CENPP: variants seen among roughly 807,000 people sequenced by gnomAD.
CENPP encodes centromere protein P.
In CENPP, 24 loss-of-function variants were observed where a neutral mutation model predicts 35.6. The ratio of observed to expected loss-of-function variants is 0.67; its 90% confidence interval spans 0.49 to 0.95. The LOEUF (loss-of-function observed/expected upper bound fraction) is 0.95, where lower values mean the gene tolerates loss of function less well. Ranked by LOEUF, CENPP falls within the 40% of genes least tolerant of loss-of-function variation. CENPP has a pLI of 0.00. For synonymous variants in CENPP, 120 were observed against 125.5 expected (o/e 0.96, Z 0.29); for missense variants, 332 against 345.3 (o/e 0.96, Z 0.31).
At chr9:92,401,655 C>T (rs1171600282) in intron 5 of CENPP, among the ~76,000 whole-genome samples, 1 of 152,146 alleles carries the variant, frequency 6.6e-6, no homozygotes, top group Non-Finnish European at 1.5e-5. Context: ...TAGGTCTCTT[C>T]TTGGGGTGAC....
chr9:92,572,806 T>G lies in CENPP; in HGVS notation c.565-38508T>G, dbSNP rs556791025. Reference sequence around the variant, plus strand: ...TTCATTTCTTTTTATTCTTTTTTTCTCTAAACTTCTCTTCTCACTTCATTT... The same window carrying G: ...TTCATTTCTTTTTATTCTTTTTTTCGCTAAACTTCTCTTCTCACTTCATTT... On this transcript the variant is annotated intron_variant, in intron 5 of 7. Coordinates refer to ENST00000375587, the MANE Select transcript of CENPP (RefSeq NM_001012267.3). 1.2e-4 allele frequency among the ~76,000 whole-genome samples: 19 copies of G among 152,314 alleles called. No homozygotes were observed. In the South Asian group the frequency reaches 3.9e-3, roughly 32 times the overall value.
At chr9:92,460,374 T>C in intron 5 of CENPP, 1 of 721,002 alleles carries the variant, frequency 1.4e-6, no homozygotes. Flanking sequence ...ACTCTCCAGT[T>C]CCAACAGCAA....
chr9:92,374,559 T>G (rs1044263857), intron 4 of CENPP, among the ~76,000 whole-genome samples: 5 of 152,234 alleles, frequency 3.3e-5, no homozygotes, highest in African/African-American at 1.2e-4. Context: ...TAAACTAGAT[T>G]GGCATTAATA....
chr9:92,574,084 A>T (rs915991865), intron 5 of CENPP, among the ~76,000 whole-genome samples: 2 of 152,038 alleles, frequency 1.3e-5, no homozygotes, highest in Admixed American at 1.3e-4. Context: ...CATGGGCTGC[A>T]CCCACTGTCC....
At chr9:92,445,048 C>A (rs1270360354) in intron 5 of CENPP, among the ~76,000 whole-genome samples, 1 of 152,136 alleles carries the variant, frequency 6.6e-6, no homozygotes, top group Non-Finnish European at 1.5e-5. Context: ...GGGGGATGGG[C>A]GTCCCTGTTC....
intron 1 of CENPP, among the ~76,000 whole-genome samples, chr9:92,329,534 CTTTTTT>C (rs1047399558): frequency 4.0e-5 from 6 of 151,772 alleles, no homozygotes; most frequent in African/African-American, 1.5e-4. Flanking sequence ...TTTTCTTTTT[CTTTTTT>C]GTTTTGTTTT....
intron 5 of CENPP, among the ~76,000 whole-genome samples, chr9:92,565,459 T>C (rs1270665596): frequency 6.6e-6 from 1 of 152,198 alleles, no homozygotes; most frequent in Admixed American, 6.5e-5. Flanking sequence ...TTGTGGTTAA[T>C]TCTGGTCAAT....
At chr9:92,544,019 TTTTA>T (rs1211647416) in intron 5 of CENPP, among the ~76,000 whole-genome samples, 1 of 152,204 alleles carries the variant, frequency 6.6e-6, no homozygotes, top group Non-Finnish European at 1.5e-5. Context: ...TTTAGATATT[TTTTA>T]TTTCTTTCTC....
In CENPP at chr9:92,510,920, C is replaced by T. The variant is rs138342885; in HGVS notation, c.565-100394C>T. Among the ~76,000 whole-genome samples the T allele has an allele frequency of 1.2e-3, 181 of 152,144 alleles. 1 individual carries two copies. Among genetic ancestry groups the T allele is most frequent in the African/African-American group, 4.1e-3 (170 of 41,518 alleles). On this transcript the variant is annotated intron_variant, in intron 5 of 7. Transcript: ENST00000375587. ...TATCTGCCAGACTCCAGATAAGAAA[C>T]AGGAAATGAGAATAGAAGAGACCAG...
At position 92,420,738 on chromosome 9, in the gene CENPP, T is replaced by C. The variant is rs538699824; in HGVS notation, c.564+40879T>C. ...CTACAAGAAAATGCCAAAATAGCAA[T>C]GGTTTGGGTTTTGTTTTTGTTTTTT... On this transcript the variant is annotated intron_variant, in intron 5 of 7. Coordinates refer to ENST00000375587, the MANE Select transcript of CENPP (RefSeq NM_001012267.3). Among the ~76,000 whole-genome samples the C allele has an allele frequency of 5.3e-5, 8 of 152,160 alleles. No homozygotes were observed. The South Asian group carries it at 1.7e-3, about 32-fold the overall frequency.
intron 5 of CENPP, among the ~76,000 whole-genome samples, chr9:92,584,349 ATGTT>A (rs35037233): frequency 0.38 from 56,957 of 151,334 alleles, 13,284 homozygotes; most frequent in African/African-American, 0.66. Flanking sequence ...TATTGTTTCT[ATGTT>A]TGTTTGTTTG....
intron 5 of CENPP, among the ~76,000 whole-genome samples, chr9:92,436,574 A>G (rs758560363): frequency 2.2e-4 from 33 of 152,156 alleles, no homozygotes; most frequent in Non-Finnish European, 2.9e-4. Flanking sequence ...TAATTTTTAT[A>G]TAGGGTTTGA....
intron 5 of CENPP, among the ~76,000 whole-genome samples, chr9:92,563,611 G>A (rs1849896498): frequency 6.6e-6 from 1 of 152,102 alleles, no homozygotes; most frequent in Non-Finnish European, 1.5e-5. Context: ...ATTAGCAAAT[G>A]GTTTAGCAGC....
chr9:92,457,827 T>C (rs1844940662), intron 5 of CENPP, among the ~76,000 whole-genome samples: 1 of 152,190 alleles, frequency 6.6e-6, no homozygotes, highest in Admixed American at 6.5e-5. Context: ...CATACATGCG[T>C]AATGTTTACT....
At chr9:92,599,768 C>G (rs1344114889) in intron 5 of CENPP, among the ~76,000 whole-genome samples, 1 of 152,130 alleles carries the variant, frequency 6.6e-6, no homozygotes, top group Non-Finnish European at 1.5e-5. Flanking sequence ...AGTCACTTCC[C>G]AAGAGAAAGC....
chr9:92,424,196 T>A (rs569302406), intron 5 of CENPP: 1 of 152,312 alleles, frequency 6.6e-6, no homozygotes, highest in African/African-American at 2.4e-5. Context: ...TATTTTATTA[T>A]CATACCTGTT....
chr9:92,571,801 T>A (rs1327707304), intron 5 of CENPP, among the ~76,000 whole-genome samples: 1 of 152,206 alleles, frequency 6.6e-6, no homozygotes, highest in Non-Finnish European at 1.5e-5. Context: ...TAGTTAGCTC[T>A]TCTTGTTGAA....
intron 5 of CENPP, among the ~76,000 whole-genome samples, chr9:92,381,376 C>T (rs796889164): frequency 6.6e-6 from 1 of 151,876 alleles, no homozygotes; most frequent in African/African-American, 2.4e-5. Context: ...TTTGACTGTC[C>T]CTGGCTCAGG....
upstream of CENPP, chr9:92,325,901 T>C (rs1207150419): frequency 2.9e-6 from 3 of 1,026,166 alleles, no homozygotes; most frequent in South Asian, 1.4e-5. Context: ...TCTGGGATGG[T>C]CCGCGCCGGG....
Sources: gnomAD v4.1 joint callset for allele counts (sites outside exome capture counted in the v4.1 genomes callset) on GRCh38, gnomAD v4.1.1 for gene constraint, MANE v1.5 for transcripts, NCBI Gene and HGNC (gene_info 2026-07-23, HGNC 2026-07-21) for gene names.